DDX23: variants seen among roughly 807,000 people sequenced by gnomAD.
The protein encoded by DDX23 is DEAD-box helicase 23.
Under a neutral mutation model 102.7 loss-of-function variants are expected in DDX23, and 33 were observed. That is an observed-to-expected ratio of 0.32 (90% CI 0.24 to 0.43). The LOEUF is 0.43. Ranked by LOEUF, DDX23 falls within the 20% of genes least tolerant of loss-of-function variation. The probability of loss-of-function intolerance (pLI) is 1.00; values close to 1 mark genes in which losing one functional copy is unlikely to be tolerated. For missense variants in DDX23, 549 were observed against 1,086.6 expected (o/e 0.51, Z 6.96); for synonymous variants, 352 against 376.0 (o/e 0.94, Z 0.74).
chr12:48,840,869 T>C (rs370431879), intron 3 of DDX23, among the ~76,000 whole-genome samples: 2 of 151,878 alleles, frequency 1.3e-5, no homozygotes, highest in East Asian at 2.0e-4. Context: ...AACTCTTTAA[T>C]ATACAATGAA....
Position 48,849,123 on chromosome 12 carries a change from C to T in DDX23, c.-1+2961G>A, listed in dbSNP as rs575558830. On this transcript the variant is annotated intron_variant, in intron 1 of 16. Transcript: ENST00000308025. Reference sequence around the variant, plus strand: ...CCCAGGCTAGTCTTGAACTCCTGGGCTCAAGGGATCCTTCGGCCTCAGCCT... The same window carrying T: ...CCCAGGCTAGTCTTGAACTCCTGGGTTCAAGGGATCCTTCGGCCTCAGCCT... 6.6e-5 allele frequency among the ~76,000 whole-genome samples: 10 copies of T among 152,074 alleles called. No individual in the cohort carries two copies. In the East Asian group the frequency reaches 2.0e-3, roughly 30 times the overall value.
intron 12 of DDX23, 143 bp from the exon 13 acceptor site, chr12:48,833,662 T>G: frequency 1.0e-6 from 1 of 997,302 alleles, no homozygotes; most frequent in Non-Finnish European, 1.5e-6. Flanking sequence ...CAGTAAAGGC[T>G]CCTGCAAACT....
Position 48,843,872 on chromosome 12 carries a change from G to A in DDX23, c.320+68C>T, listed in dbSNP as rs1413919348. On this transcript the variant is annotated intron_variant, in intron 3 of 16. Coordinates refer to ENST00000308025, the MANE Select transcript of DDX23 (RefSeq NM_004818.3). ...GAGAAATCTACTTTCATAAGAAGCTGAGCAAACTCAGGTGCAGAGAAGAAA... is the reference window on the plus strand; with the variant it reads ...GAGAAATCTACTTTCATAAGAAGCTAAGCAAACTCAGGTGCAGAGAAGAAA... The A allele has an allele frequency of 5.8e-6, 9 of 1,546,698 alleles. No homozygotes were observed. In the Admixed American group the frequency reaches 1.2e-4, roughly 20 times the overall value.
chr12:48,841,123 C>T (rs956173857), intron 3 of DDX23, among the ~76,000 whole-genome samples: 5 of 152,200 alleles, frequency 3.3e-5, no homozygotes, highest in South Asian at 4.1e-4. Flanking sequence ...CAATGGCTCA[C>T]GCCTGTAATC....
At chr12:48,838,516 C>CT (rs1432008831) in intron 5 of DDX23, among the ~76,000 whole-genome samples, 1 of 150,508 alleles carries the variant, frequency 6.6e-6, no homozygotes, top group Non-Finnish European at 1.5e-5. Context: ...CACCACTGTA[C>CT]TTTAGCCTGG....
chr12:48,843,990 T>G lies in DDX23; in HGVS notation c.270A>C (p.Arg90=), dbSNP rs1938619072. The part of the protein sequence containing the change: ...DKERDRNKKD[R]DRDKDGHRRD... ...GTCTGTGCCCATCCTTGTCTCGATC[T>G]CGGTCCTTCTTATTCCGATCCCGCT... The change falls in exon 3 of 17, where the codon CGA becomes CGC. Residue 90 remains arginine, a synonymous_variant. Transcript: ENST00000308025. 6 of 1,614,178 alleles carry G rather than the reference T, an allele frequency of 3.7e-6. No individual in the cohort carries two copies. The African/African-American group carries it at 5.3e-5, about 14-fold the overall frequency.
chr12:48,837,496 G>A (rs1565676520), intron 7 of DDX23, 28 bp downstream of exon 7: 1 of 1,613,842 alleles, frequency 6.2e-7, no homozygotes, highest in Admixed American at 1.7e-5. Context: ...GTGTGGGAGA[G>A]AAGTGAAGAT....
chr12:48,838,212 CCTTGGA>C, intron 5 of DDX23, 132 bp from the exon 6 acceptor site: 1 of 1,334,782 alleles, frequency 7.5e-7, no homozygotes, highest in Non-Finnish European at 1.0e-6. Flanking sequence ...CACAAATAGG[CCTTGGA>C]CTCGGTTATG....
In DDX23 at chr12:48,833,359, T is replaced by C. The variant is rs1206583206; in HGVS notation, c.1721A>G (p.Asn574Ser). 4 of 1,614,214 alleles carry C rather than the reference T, an allele frequency of 2.5e-6. No homozygotes were observed. Among genetic ancestry groups the C allele is most frequent in the Non-Finnish European group, 3.4e-6 (4 of 1,180,042 alleles). ...QKILEHMPVS[N>S]QKPDTDEAED... ...AGCCTCATCCGTGTCTGGCTTCTGG[T>C]TGCTGACAGGCATGTGCTCCAGGAT... is the stretch of plus-strand genomic sequence containing the variant. Residue 574 changes from asparagine (N) to serine (S), a missense_variant, in exon 13 of 17, where the codon AAC becomes AGC. Asn to Ser is a conservative substitution (Grantham distance 46, BLOSUM62 1). This residue lies in a region of DDX23 where 270 missense variants were observed against 707.0 expected (regional missense o/e 0.38). Transcript: ENST00000308025.
chr12:48,831,412 G>C (rs1938384534), intron 15 of DDX23, 96 bp from the exon 16 acceptor site: 3 of 1,138,854 alleles, frequency 2.6e-6, no homozygotes, highest in Admixed American at 1.8e-5. Context: ...GAGGGTTGGA[G>C]AGAGCAGCAG....
Position 48,832,521 on chromosome 12 carries a change from C to T in DDX23, c.1856G>A (p.Ser619Asn). ...CACCACAGCAGGTCGCCGAAGATAG[C>T]TCCTGGCCAGACGCTCCACCGCTGG... Reference protein sequence around the residue: ...MPPAVERLARSYLRRPAVVYI... With the variant: ...MPPAVERLARNYLRRPAVVYI... The change falls in exon 14 of 17, where the codon AGC becomes AAC. Residue 619 changes from serine (S) to asparagine (N), a missense_variant. Ser to Asn is a conservative substitution (Grantham distance 46, BLOSUM62 1). Transcript: ENST00000308025. This position sits in a 1 kb window ranked among gnomAD's most constrained non-coding sequence, Gnocchi z 4.4. 6.2e-7 allele frequency: 1 copy of T among 1,614,202 alleles called. No individual in the cohort carries two copies. The highest frequency in any genetic ancestry group is 8.5e-7 in the Non-Finnish European group (1 of 1,180,038).
At chr12:48,837,239 C>T (rs1228402856) in intron 8 of DDX23, 42 bp downstream of exon 8, 1 of 1,595,306 alleles carries the variant, frequency 6.3e-7, no homozygotes, top group Non-Finnish European at 8.6e-7. Flanking sequence ...TCTAGGACTG[C>T]CTAGTGGAAA....
In DDX23 at chr12:48,832,780, AG is replaced by A; in HGVS notation, c.1804-208del. ...AAGGCACTTTCCATCTTATGATGAC[AG>A]GAAGGATTGAGAGCATTTGCTAGCA... On this transcript the variant is annotated intron_variant, in intron 13 of 16. Transcript: ENST00000308025. This position sits in a 1 kb window ranked among gnomAD's most constrained non-coding sequence, Gnocchi z 4.4. 1.6e-6 allele frequency: 1 copy of A among 643,370 alleles called. No individual in the cohort carries two copies. Among genetic ancestry groups the A allele is most frequent in the Non-Finnish European group, 2.6e-6 (1 of 388,392 alleles). 39.9% of individuals were successfully genotyped at this position (643,370 alleles called of 1,614,324 possible). A position where few individuals can be genotyped will look rare whatever the true frequency, so the allele number is the denominator to read the frequency against.
intron 5 of DDX23, 73 bp from the exon 6 acceptor site, chr12:48,838,153 G>A (rs902729003): frequency 1.4e-5 from 23 of 1,592,466 alleles, no homozygotes; most frequent in Admixed American, 1.7e-5. Flanking sequence ...TGGGGAGATG[G>A]CAGGGAACCC....
chr12:48,831,340 A>G, intron 15 of DDX23, 24 bp from the exon 16 acceptor site: 3 of 1,613,002 alleles, frequency 1.9e-6, no homozygotes, highest in Non-Finnish European at 2.5e-6. Flanking sequence ...GGTGAAGTGA[A>G]GAGTGAGCAA....
intron 15 of DDX23, chr12:48,831,708 A>G (rs1031755182): frequency 3.0e-5 from 13 of 428,934 alleles, no homozygotes; most frequent in African/African-American, 2.0e-4. Context: ...GACAGGAGTA[A>G]AGGACACTGA....
chr12:48,843,147 G>A (rs1938598552), intron 3 of DDX23, among the ~76,000 whole-genome samples: 1 of 149,586 alleles, frequency 6.7e-6, no homozygotes, highest in Non-Finnish European at 1.5e-5. Flanking sequence ...AGTACCCAGG[G>A]ACACAAACAC....
chr12:48,833,790 A>G (rs1252761657), intron 12 of DDX23, among the ~76,000 whole-genome samples: 1 of 151,966 alleles, frequency 6.6e-6, no homozygotes, highest in African/African-American at 2.4e-5. Flanking sequence ...TTGGCAAATC[A>G]TTTCAGATCC....
At chr12:48,844,499 A>C (rs893839274) in intron 2 of DDX23, among the ~76,000 whole-genome samples, 2 of 151,922 alleles carry the variant, frequency 1.3e-5, no homozygotes, top group African/African-American at 4.8e-5. Flanking sequence ...GGCTGCTCTC[A>C]AACTCCTCAC....
Sources: gnomAD v4.1 joint callset for allele counts (sites outside exome capture counted in the v4.1 genomes callset) on GRCh38, gnomAD v4.1.1 for gene constraint, gnomAD v4.1.1 regional missense constraint, Gnocchi (gnomAD v3.1) non-coding constraint, MANE v1.5 for transcripts, NCBI Gene and HGNC (gene_info 2026-07-23, HGNC 2026-07-21) for gene names.